Variants in TYR observed in about 807,000 individuals in gnomAD.
TYR encodes LB24-AB.
TYR carries 58 observed loss-of-function variants against 51.5 expected under a neutral mutation model. The ratio of observed to expected loss-of-function variants is 1.13; its 90% CI spans 0.91 to 1.40. The LOEUF is 1.40. Ranked by LOEUF, TYR falls within the 40% of genes most tolerant of loss-of-function variation. TYR has a pLI of 0.00. For synonymous variants in TYR, 263 were observed against 235.2 expected, an observed-to-expected ratio of 1.12 and a Z score of -1.08; for missense variants, 732 against 647.4, an observed-to-expected ratio of 1.13 and a Z score of -1.42.
At chr11:89,218,414 C>T (rs556606779) in intron 2 of TYR, among the ~76,000 whole-genome samples, 9 of 151,886 alleles carry the variant, frequency 5.9e-5, no homozygotes, top group African/African-American at 1.9e-4. Context: ...TAATTATAAT[C>T]CAAAGAAAAT....
chr11:89,215,033 G>A (rs1310097070), intron 2 of TYR, among the ~76,000 whole-genome samples: 6 of 151,872 alleles, frequency 4.0e-5, no homozygotes, highest in Admixed American at 1.3e-4. Context: ...ATGTAACAAC[G>A]TTCTTAGCAC....
At chr11:89,240,260 C>G (rs1331780519) in intron 3 of TYR, among the ~76,000 whole-genome samples, 1 of 151,400 alleles carries the variant, frequency 6.6e-6, no homozygotes, top group Non-Finnish European at 1.5e-5. Flanking sequence ...AGCTGGAAAT[C>G]AAAAAATAAA....
intron 2 of TYR, among the ~76,000 whole-genome samples, chr11:89,208,729 T>G (rs1162967007): frequency 6.6e-6 from 1 of 152,228 alleles, no homozygotes; most frequent in Non-Finnish European, 1.5e-5. Flanking sequence ...TCCCTAATTT[T>G]GTAAGTACTT....
At chr11:89,208,879 T>C (rs534940983) in intron 2 of TYR, among the ~76,000 whole-genome samples, 1 of 152,380 alleles carries the variant, frequency 6.6e-6, no homozygotes, top group Non-Finnish European at 1.5e-5. Context: ...TCAATTTTTA[T>C]GGCCACTATT....
intron 4 of TYR, among the ~76,000 whole-genome samples, chr11:89,287,515 T>C (rs749897092): frequency 2.1e-4 from 32 of 151,894 alleles, no homozygotes; most frequent in Non-Finnish European, 1.2e-4. Flanking sequence ...TCACAAAGTT[T>C]ACCATGGAAG....
At chr11:89,189,608 T>C (rs901290517) in intron 1 of TYR, among the ~76,000 whole-genome samples, 2 of 152,194 alleles carry the variant, frequency 1.3e-5, no homozygotes, top group Non-Finnish European at 2.9e-5. Flanking sequence ...ATGGGCTTTA[T>C]ATACAGTAAG....
intron 3 of TYR, among the ~76,000 whole-genome samples, chr11:89,237,829 T>C (rs1439348601): frequency 7.1e-6 from 1 of 140,660 alleles, no homozygotes; most frequent in Non-Finnish European, 1.5e-5. Context: ...TTTTATTATT[T>C]TTATTTATTT....
chr11:89,187,204 C>G (rs1379244273), intron 1 of TYR, among the ~76,000 whole-genome samples: 1 of 152,060 alleles, frequency 6.6e-6, no homozygotes, highest in Non-Finnish European at 1.5e-5. Context: ...TTTCCCTACC[C>G]CCAGCCAAGG....
At chr11:89,285,067 G>A (rs985891979) in intron 4 of TYR, 113 bp downstream of exon 4, 1 of 868,918 alleles carries the variant, frequency 1.2e-6, no homozygotes, top group Non-Finnish European at 1.9e-6. Flanking sequence ...TTTAAATCCT[G>A]AAAGTGCATT....
intron 3 of TYR, among the ~76,000 whole-genome samples, chr11:89,246,155 C>T (rs1944265483): frequency 8.5e-6 from 1 of 117,422 alleles, no homozygotes; most frequent in Admixed American, 7.8e-5. Context: ...GACATGACAT[C>T]CACCACTAAA....
intron 3 of TYR, among the ~76,000 whole-genome samples, chr11:89,230,750 T>A (rs115981669): frequency 0.011 from 1,674 of 152,054 alleles, 33 homozygotes; most frequent in African/African-American, 0.038. Flanking sequence ...AAAGAAGATA[T>A]GCAAACGTCC....
At chr11:89,216,993 G>T (rs1943840675) in intron 2 of TYR, among the ~76,000 whole-genome samples, 2 of 152,054 alleles carry the variant, frequency 1.3e-5, no homozygotes, top group Non-Finnish European at 2.9e-5. Flanking sequence ...ATTATTATTA[G>T]GAAAAAGAGA....
intron 2 of TYR, among the ~76,000 whole-genome samples, chr11:89,220,734 C>G (rs1413778495): frequency 6.6e-6 from 1 of 151,944 alleles, no homozygotes; most frequent in Non-Finnish European, 1.5e-5. Flanking sequence ...AGCGCCTGGG[C>G]AACAAGAGCG....
At chr11:89,228,414 C>A (rs889584464) in intron 3 of TYR, among the ~76,000 whole-genome samples, 10 of 152,214 alleles carry the variant, frequency 6.6e-5, no homozygotes, top group African/African-American at 2.4e-4. Context: ...CTTTGTGGCC[C>A]CAGTACCCAA....
intron 4 of TYR, among the ~76,000 whole-genome samples, chr11:89,294,653 T>C (rs1254537080): frequency 1.3e-5 from 2 of 152,230 alleles, no homozygotes; most frequent in Non-Finnish European, 1.5e-5. Flanking sequence ...CTGTGACCTC[T>C]GTGAATACAG....
Position 89,295,451 on chromosome 11 carries a change from G to C in TYR, c.*85G>C. The C allele has an allele frequency of 6.5e-7, 1 of 1,543,014 alleles. No individual in the cohort carries two copies. Among genetic ancestry groups the C allele is most frequent in the Non-Finnish European group, 8.8e-7 (1 of 1,135,890 alleles). ...TCCAGGTTCCCAGAGAATATCTGCT[G>C]GTATTTTTCTGTAAAGACCATTTGC... On this transcript the variant is annotated 3_prime_UTR_variant, in exon 5 of 5. Transcript: ENST00000263321.
intron 2 of TYR, among the ~76,000 whole-genome samples, chr11:89,203,389 C>A (rs1461705916): frequency 6.6e-6 from 1 of 152,186 alleles, no homozygotes; most frequent in Admixed American, 6.5e-5. Flanking sequence ...TATGACCCAA[C>A]ACTAACCACT....
At chr11:89,259,780 A>G (rs1346866907) in intron 3 of TYR, among the ~76,000 whole-genome samples, 1 of 152,114 alleles carries the variant, frequency 6.6e-6, no homozygotes. Flanking sequence ...CTGCTGGACA[A>G]TCATCAATGC....
intron 4 of TYR, among the ~76,000 whole-genome samples, chr11:89,291,568 A>G: frequency 6.6e-6 from 1 of 151,904 alleles, no homozygotes; most frequent in Non-Finnish European, 1.5e-5. Context: ...GTGCTGTTTT[A>G]GTCTCCTGTG....
Sources: gnomAD v4.1 joint callset for allele counts (sites outside exome capture counted in the v4.1 genomes callset) on GRCh38, gnomAD v4.1.1 for gene constraint, MANE v1.5 for transcripts, NCBI Gene and HGNC (gene_info 2026-07-23, HGNC 2026-07-21) for gene names.